The following MYO18B variants were observed in gnomAD, a reference collection of about 807,000 sequenced individuals.
MYO18B encodes the protein myosin XVIIIB, also known as unconventional myosin-XVIIIb.
A neutral mutation model predicts 273.0 loss-of-function variants in MYO18B; 204 were observed. The observed-to-expected ratio is 0.75, with a 90% confidence interval of 0.67 to 0.84. The LOEUF is 0.84. Ranked by LOEUF, MYO18B falls within the 40% of genes least tolerant of loss-of-function variation. The probability of loss-of-function intolerance (pLI) is 0.00; values close to 1 mark genes in which losing one functional copy is unlikely to be tolerated. For synonymous variants in MYO18B, 1,330 were observed against 1,305.7 expected (o/e 1.02, Z -0.40); for missense variants, 3,212 against 3,287.6 (o/e 0.98, Z 0.56).
At chr22:25,961,840 G>A (rs1298167981) in intron 39 of MYO18B, among the ~76,000 whole-genome samples, 1 of 152,178 alleles carries the variant, frequency 6.6e-6, no homozygotes, top group Non-Finnish European at 1.5e-5. Flanking sequence ...CCTCCTCATG[G>A]TAACGAGTGA....
chr22:25,928,786 C>G (rs13057955), intron 34 of MYO18B, among the ~76,000 whole-genome samples: 1 of 152,042 alleles, frequency 6.6e-6, no homozygotes, highest in Non-Finnish European at 1.5e-5. Context: ...TAAGGGGGTA[C>G]GATAATCTCA....
chr22:25,974,632 C>A (rs1179960403), intron 39 of MYO18B, among the ~76,000 whole-genome samples: 2 of 152,132 alleles, frequency 1.3e-5, no homozygotes, highest in Non-Finnish European at 2.9e-5. Flanking sequence ...GCATAAATGC[C>A]TAGTTGTGCT....
At chr22:25,914,686 CTTTT>C (rs3070566) in intron 33 of MYO18B, among the ~76,000 whole-genome samples, 3 of 50,848 alleles carry the variant, frequency 5.9e-5, no homozygotes, top group African/African-American at 1.7e-4. Context: ...AGTTTTGACT[CTTTT>C]TTTTTTTTTT....
chr22:25,978,916 C>T (rs2093121661), intron 39 of MYO18B, among the ~76,000 whole-genome samples: 2 of 152,128 alleles, frequency 1.3e-5, no homozygotes, highest in African/African-American at 4.8e-5. Context: ...CACTGCACTC[C>T]AGCCTGGGCA....
At chr22:26,034,888 A>G (rs1936748829), downstream of MYO18B, among the ~76,000 whole-genome samples, 1 of 152,248 alleles carries the variant, frequency 6.6e-6, no homozygotes. Context: ...CATTCAACAA[A>G]TAGCACCTCA....
At chr22:25,950,068 T>G (rs1215692471) in intron 36 of MYO18B, among the ~76,000 whole-genome samples, 1 of 152,180 alleles carries the variant, frequency 6.6e-6, no homozygotes, top group Non-Finnish European at 1.5e-5. Context: ...TCCCTCGGAA[T>G]CTGGTCCTAG....
At chr22:25,991,318 C>T (rs1036662306) in intron 39 of MYO18B, among the ~76,000 whole-genome samples, 3 of 152,180 alleles carry the variant, frequency 2.0e-5, no homozygotes, top group Non-Finnish European at 4.4e-5. Context: ...GACTCAGCAC[C>T]GTGGACATTC....
intron 42 of MYO18B, among the ~76,000 whole-genome samples, chr22:26,020,813 G>A (rs1219181283): frequency 6.6e-6 from 1 of 152,148 alleles, no homozygotes; most frequent in Admixed American, 6.5e-5. Flanking sequence ...GGGGGCCCGG[G>A]CACCGTGACT....
chr22:25,873,223 G>T (rs1051089522), intron 22 of MYO18B, among the ~76,000 whole-genome samples: 6 of 152,138 alleles, frequency 3.9e-5, no homozygotes, highest in African/African-American at 1.4e-4. Context: ...GTGGCTTTGT[G>T]GGGTGCCGAG....
chr22:25,966,677 C>A (rs1011361314), intron 39 of MYO18B, among the ~76,000 whole-genome samples: 1 of 152,176 alleles, frequency 6.6e-6, no homozygotes, highest in African/African-American at 2.4e-5. Flanking sequence ...AGAGAGCTGA[C>A]AGGGGAACCC....
intron 14 of MYO18B, 118 bp from the exon 15 acceptor site, chr22:25,828,658 T>TCA: frequency 1.1e-6 from 1 of 941,826 alleles, no homozygotes; most frequent in Non-Finnish European, 1.6e-6. Flanking sequence ...TTGCCTGAGG[T>TCA]CACACAGCCT....
rs368333836 is a variant in MYO18B at position 25,874,924 on chromosome 22, T to C, written c.4080+510T>C. On this transcript the variant is annotated intron_variant, in intron 23 of 43. Coordinates refer to ENST00000335473, the MANE Select transcript of MYO18B (RefSeq NM_032608.7). ...CTACCTCTTAGTAGCTGGGTGAAGGTGAGATGAAATGATGTGCACTTAATA... is the reference window on the plus strand; with the variant it reads ...CTACCTCTTAGTAGCTGGGTGAAGGCGAGATGAAATGATGTGCACTTAATA... Among the ~76,000 whole-genome samples, 326 of 152,256 alleles carry C rather than the reference T, an allele frequency of 2.1e-3. 17 individuals are homozygous for C. The South Asian group carries it at 0.067, about 31-fold the overall frequency.
At chr22:25,886,869 C>T (rs2091516337) in intron 25 of MYO18B, among the ~76,000 whole-genome samples, 1 of 152,124 alleles carries the variant, frequency 6.6e-6, no homozygotes, top group Non-Finnish European at 1.5e-5. Flanking sequence ...TCTCAACTCC[C>T]CAGTTTCCTG....
At chr22:25,890,689 A>T in intron 25 of MYO18B, 67 bp from the exon 26 acceptor site, 1 of 1,588,752 alleles carries the variant, frequency 6.3e-7, no homozygotes. Flanking sequence ...GATCCTGTGC[A>T]TGGGGAGAGA....
At chr22:25,766,395 A>G (rs2086508295) in intron 3 of MYO18B, among the ~76,000 whole-genome samples, 1 of 152,186 alleles carries the variant, frequency 6.6e-6, no homozygotes, top group Admixed American at 6.5e-5. Flanking sequence ...CAAAGATGAA[A>G]ACAGAGACTT....
intron 39 of MYO18B, among the ~76,000 whole-genome samples, chr22:25,989,152 G>A (rs566574136): frequency 2.0e-5 from 3 of 152,278 alleles, no homozygotes; most frequent in African/African-American, 4.8e-5. Flanking sequence ...TAAGCAAAAC[G>A]AGGAGGGGAT....
In MYO18B at chr22:25,791,400, C is replaced by T. The variant is rs77744268; in HGVS notation, c.2376+5909C>T. Among the ~76,000 whole-genome samples the T allele has an allele frequency of 8.4e-3, 1,273 of 152,302 alleles. 14 individuals carry two copies. Among genetic ancestry groups the T allele is most frequent in the South Asian group, 0.043 (208 of 4,824 alleles). On this transcript the variant is annotated intron_variant, in intron 11 of 43. Transcript: ENST00000335473. ...AAAAGTGTGGAGATCCCCAGTGTGG[C>T]GCTGGCCGGGTCCTCAGAGGCTGTG... is the stretch of plus-strand genomic sequence containing the variant.
chr22:25,926,535 T>G (rs1446041201), intron 34 of MYO18B, among the ~76,000 whole-genome samples: 2 of 152,240 alleles, frequency 1.3e-5, no homozygotes, highest in African/African-American at 4.8e-5. Context: ...CCTCAAGTGA[T>G]CCACCCACCT....
At chr22:25,798,387 T>C (rs893824089) in intron 12 of MYO18B, among the ~76,000 whole-genome samples, 6 of 152,138 alleles carry the variant, frequency 3.9e-5, no homozygotes, top group African/African-American at 9.7e-5. Flanking sequence ...TGAACACTTA[T>C]ATATAGTAGT....
Sources: gnomAD v4.1 joint callset for allele counts (sites outside exome capture counted in the v4.1 genomes callset) on GRCh38, gnomAD v4.1.1 for gene constraint, MANE v1.5 for transcripts, NCBI Gene and HGNC (gene_info 2026-07-23, HGNC 2026-07-21) for gene names.